The following PRSS50 variants were observed in gnomAD, a reference collection of about 807,000 sequenced individuals.
The protein encoded by PRSS50 is serine protease 50, also known as probable threonine protease PRSS50.
Under a neutral mutation model 34.2 loss-of-function variants are expected in PRSS50, and 23 were observed. That is an observed-to-expected ratio of 0.67 (90% confidence interval 0.48 to 0.95). The LOEUF (loss-of-function observed/expected upper bound fraction) is 0.95. Among genes scored for constraint, PRSS50 ranks in the 40% least tolerant of loss-of-function variants. The pLI is 0.00. For missense variants in PRSS50, 484 were observed against 513.4 expected (o/e 0.94, Z 0.55); for synonymous variants, 224 against 211.2 (o/e 1.06, Z -0.53).
rs1244820045 is a variant in PRSS50 at position 46,712,278 on chromosome 3, G to C, written c.1126C>G (p.Pro376Ala). 3.7e-6 allele frequency: 6 copies of C among 1,611,688 alleles called. No individual in the cohort carries two copies. Among genetic ancestry groups the C allele is most frequent in the Non-Finnish European group, 5.1e-6 (6 of 1,179,114 alleles). Residue 376 changes from proline (P) to alanine (A), a missense_variant, in exon 6 of 6, where the codon CCA becomes GCA. By Grantham distance (27) the Pro-to-Ala change is conservative (BLOSUM62 -1). Transcript: ENST00000315170. ...APSRTLLLAL[P>A]LPLSLLAAL ...GCAGCAAGGAGGCTGAGGGGCAGTG[G>C]GAGTGCCAGGAGCAGGGTCCTGGAT...
intron 4 of PRSS50, among the ~76,000 whole-genome samples, chr3:46,713,295 A>G (rs1044921667): frequency 1.1e-4 from 16 of 152,308 alleles, no homozygotes; most frequent in African/African-American, 3.4e-4. Context: ...TGCAGTGCCC[A>G]GGCCACTGGG....
chr3:46,714,551 C>T, intron 3 of PRSS50, 50 bp from the exon 4 acceptor site: 1 of 1,487,406 alleles, frequency 6.7e-7, no homozygotes, highest in South Asian at 1.3e-5. Context: ...CCCCCTGCCC[C>T]AGCCTCCAGC....
chr3:46,714,503 T>C lies in PRSS50; in HGVS notation c.471-2A>G. ...CTCACTGAGTAGATAACATCACGCCTAGGGGGGCCGTGAGGGGAGGCCATG... is the reference window on the plus strand; with the variant it reads ...CTCACTGAGTAGATAACATCACGCCCAGGGGGGCCGTGAGGGGAGGCCATG... On this transcript the variant is annotated splice_acceptor_variant, in intron 3 of 5. Coordinates refer to ENST00000315170, the MANE Select transcript of PRSS50 (RefSeq NM_013270.5). LOFTEE classifies it high-confidence loss of function. 6.3e-7 allele frequency: 1 copy of C among 1,575,660 alleles called. No individual in the cohort carries two copies. Among genetic ancestry groups the C allele is most frequent in the Non-Finnish European group, 8.6e-7 (1 of 1,161,778 alleles).
At position 46,714,577 on chromosome 3, in the gene PRSS50, C is replaced by G. The variant is rs1700657630; in HGVS notation, c.471-76G>C. On this transcript the variant is annotated intron_variant, in intron 3 of 5. Coordinates refer to ENST00000315170, the MANE Select transcript of PRSS50 (RefSeq NM_013270.5). Reference sequence around the variant, plus strand: ...AGCCTCCAGCCTGGGCCTTCCCCCACTCTGCTGCCCTCCCAGAAGATCCAG... The same window carrying G: ...AGCCTCCAGCCTGGGCCTTCCCCCAGTCTGCTGCCCTCCCAGAAGATCCAG... 3.5e-6 allele frequency: 5 copies of G among 1,446,280 alleles called. No individual in the cohort carries two copies. The South Asian group carries it at 7.0e-5, about 20-fold the overall frequency. 89.6% of individuals were successfully genotyped at this position (1,446,280 alleles called of 1,614,324 possible).
Position 46,717,379 on chromosome 3 carries a change from C to T in PRSS50, c.307+58G>A. The T allele has an allele frequency of 2.5e-6, 4 of 1,589,352 alleles. No individual in the cohort carries two copies. Among genetic ancestry groups the T allele is most frequent in the Non-Finnish European group, 3.4e-6 (4 of 1,159,916 alleles). On this transcript the variant is annotated intron_variant, in intron 2 of 5. Coordinates refer to ENST00000315170, the MANE Select transcript of PRSS50 (RefSeq NM_013270.5). This position sits in a 1 kb window ranked among gnomAD's most constrained non-coding sequence, Gnocchi z 4.5. ...CTGCTCCCCTAGCCCCAGCCAAGGT[C>T]CTTAAGACTCCTCTGTCACCCTCCT...
rs763132406 is a variant in PRSS50, at chr3:46,717,037, G to A, written c.307+400C>T. Among the ~76,000 whole-genome samples, 3 of 152,218 alleles carry A rather than the reference G, an allele frequency of 2.0e-5. No individual in the cohort carries two copies. The highest frequency in any genetic ancestry group is 4.4e-5 in the Non-Finnish European group (3 of 68,040). On this transcript the variant is annotated intron_variant, in intron 2 of 5. Transcript: ENST00000315170. The surrounding 1 kb of genome is among the most constrained non-coding windows in gnomAD (Gnocchi z 4.5). ...ACCACAGGAAGGCTCACACAGCCTG[G>A]CCCTGAAAGCTGTGCTGGAGATCCC...
Position 46,717,404 on chromosome 3 carries a change from T to C in PRSS50, c.307+33A>G, listed in dbSNP as rs1700697060. On this transcript the variant is annotated intron_variant, in intron 2 of 5. Coordinates refer to ENST00000315170, the MANE Select transcript of PRSS50 (RefSeq NM_013270.5). The surrounding 1 kb of genome is among the most constrained non-coding windows in gnomAD (Gnocchi z 4.5). ...CCTTAAGACTCCTCTGTCACCCTCC[T>C]TGCCCCACGGAGTCTACACCCCTGG... 2 of 1,604,610 alleles carry C rather than the reference T, an allele frequency of 1.2e-6. No individual in the cohort carries two copies. Among genetic ancestry groups the C allele is most frequent in the African/African-American group, 2.7e-5 (2 of 73,634 alleles).
At position 46,713,188 on chromosome 3, in the gene PRSS50, G is replaced by A; in HGVS notation, c.755-121C>T. On this transcript the variant is annotated intron_variant, in intron 4 of 5. Coordinates refer to ENST00000315170, the MANE Select transcript of PRSS50 (RefSeq NM_013270.5). ...TTTTCTGCTTTAGCCACACACCTCTGCCCTCGTTCTAGCCCATACCCATCT... is the reference window on the plus strand; with the variant it reads ...TTTTCTGCTTTAGCCACACACCTCTACCCTCGTTCTAGCCCATACCCATCT... The A allele has an allele frequency of 3.2e-6, 4 of 1,240,084 alleles. No homozygotes were observed. The South Asian group carries it at 5.4e-5, about 17-fold the overall frequency. 76.8% of individuals were successfully genotyped at this position (1,240,084 alleles called of 1,614,324 possible).
In PRSS50 at chr3:46,717,664, G is replaced by A; in HGVS notation, c.107-27C>T. ...TGCGGAGGACGTCGAGCGGATTAGA[G>A]GTGGAAGGCGAGGGCCGCGTCAGGC... On this transcript the variant is annotated intron_variant, in intron 1 of 5. Coordinates refer to ENST00000315170, the MANE Select transcript of PRSS50 (RefSeq NM_013270.5). This position sits in a 1 kb window ranked among gnomAD's most constrained non-coding sequence, Gnocchi z 4.5. 1 of 1,608,034 alleles carries A rather than the reference G, an allele frequency of 6.2e-7. No individual in the cohort carries two copies. Among genetic ancestry groups the A allele is most frequent in the East Asian group, 2.2e-5 (1 of 44,588 alleles).
chr3:46,717,845 C>T lies in PRSS50; in HGVS notation c.-21G>A. 2.0e-6 allele frequency: 3 copies of T among 1,476,832 alleles called. No individual in the cohort carries two copies. Among genetic ancestry groups the T allele is most frequent in the Non-Finnish European group, 2.7e-6 (3 of 1,116,342 alleles). The allele number at this position is 1,476,832 out of a possible 1,614,324, so 91.5% of individuals were successfully genotyped here. On this transcript the variant is annotated 5_prime_UTR_variant, in exon 1 of 6. Transcript: ENST00000315170. The surrounding 1 kb of genome is among the most constrained non-coding windows in gnomAD (Gnocchi z 4.5). ...CCCATCCCGGGGTGGCAGCCGACTG[C>T]GTCTCTCCGGAAGGCGCTCCCAGTG...
rs1700691764 is a variant in PRSS50, at chr3:46,716,923, A to G, written c.307+514T>C. Among the ~76,000 whole-genome samples, 1 of 152,186 alleles carries G rather than the reference A, an allele frequency of 6.6e-6. No individual in the cohort carries two copies. The highest frequency in any genetic ancestry group is 1.5e-5 in the Non-Finnish European group (1 of 68,026). ...TGACTTTCTGTGGCAGTTAAATGCT[A>G]TGTGCTGAGTCCCAGTCTTATGTGG... On this transcript the variant is annotated intron_variant, in intron 2 of 5. Transcript: ENST00000315170. This position sits in a 1 kb window ranked among gnomAD's most constrained non-coding sequence, Gnocchi z 4.4.
At position 46,715,550 on chromosome 3, in the gene PRSS50, G is replaced by A. The variant is rs145644141; in HGVS notation, c.455C>T (p.Ala152Val). Reference protein sequence around the residue: ...IIASQWVLTVAHCLIWRDVIY... With the variant: ...IIASQWVLTVVHCLIWRDVIY... Reference sequence around the variant, plus strand: ...CTTGACTCACCAGATCAGGCAGTGGGCCACAGTCAGCACCCACTGGGAGGC... The same window carrying A: ...CTTGACTCACCAGATCAGGCAGTGGACCACAGTCAGCACCCACTGGGAGGC... Residue 152 changes from alanine (A) to valine (V), a missense_variant, in exon 3 of 6, where the codon GCC becomes GTC. Ala to Val is a moderately conservative substitution (Grantham distance 64). Transcript: ENST00000315170. This position sits in a 1 kb window ranked among gnomAD's most constrained non-coding sequence, Gnocchi z 5.2. The A allele has an allele frequency of 7.3e-5, 117 of 1,612,764 alleles. 3 individuals are homozygous for A. Among genetic ancestry groups the A allele is most frequent in the East Asian group, 4.9e-4 (22 of 44,858 alleles).
In PRSS50 at chr3:46,717,546, A is replaced by G. The variant is rs765605069; in HGVS notation, c.198T>C (p.Pro66=). The G allele has an allele frequency of 6.8e-6, 11 of 1,613,738 alleles. No individual in the cohort carries two copies. The highest frequency in any genetic ancestry group is 9.3e-6 in the Non-Finnish European group (11 of 1,180,008). The part of the protein sequence containing the change: ...SVQCVPKATC[P]SSRPRLLWQT... ...GCCAGAGAAGGCGAGGCCGGCTGGA[A>G]GGACAGGTGGCCTTGGGGACACACT... The change falls in exon 2 of 6, where the codon CCT becomes CCC. Residue 66 remains proline, a synonymous_variant. Coordinates refer to ENST00000315170, the MANE Select transcript of PRSS50 (RefSeq NM_013270.5). This position sits in a 1 kb window ranked among gnomAD's most constrained non-coding sequence, Gnocchi z 4.5.
chr3:46,715,471 G>T lies in PRSS50; in HGVS notation c.470+64C>A. 1 of 1,562,292 alleles carries T rather than the reference G, an allele frequency of 6.4e-7. No individual in the cohort carries two copies. The highest frequency in any genetic ancestry group is 1.2e-5 in the South Asian group (1 of 84,872). On this transcript the variant is annotated intron_variant, in intron 3 of 5. Coordinates refer to ENST00000315170, the MANE Select transcript of PRSS50 (RefSeq NM_013270.5). This position sits in a 1 kb window ranked among gnomAD's most constrained non-coding sequence, Gnocchi z 5.2. ...GGGCCCAGAACAGCTGGCAGGGAGG[G>T]GATGACTGGGCCCACAGCAGCTCCA...
Position 46,714,319 on chromosome 3 carries a change from T to C in PRSS50, c.653A>G (p.Tyr218Cys). ...GCAGATGGGCCGCACGTAATTGCTG[T>C]ACTTGAGTTCCTGCTTGAGCTTGAG... ...GLLKLKQELKYSNYVRPICLP... is the reference protein window; with the variant it reads ...GLLKLKQELKCSNYVRPICLP... The change falls in exon 4 of 6, where the codon TAC (tyrosine) becomes TGC (cysteine). Residue 218 changes from tyrosine (Y) to cysteine (C), a missense_variant. Coordinates refer to ENST00000315170, the MANE Select transcript of PRSS50 (RefSeq NM_013270.5). 6.2e-7 allele frequency: 1 copy of C among 1,614,162 alleles called. No homozygotes were observed. Among genetic ancestry groups the C allele is most frequent in the African/African-American group, 1.3e-5 (1 of 75,036 alleles).
At chr3:46,712,556 C>A in intron 5 of PRSS50, 74 bp from the exon 6 acceptor site, 2 of 1,401,694 alleles carry the variant, frequency 1.4e-6, no homozygotes, top group South Asian at 1.2e-5. Context: ...CCAGGACAGG[C>A]GGGATGTCCT....
At chr3:46,713,989 G>T (rs1438844399) in intron 4 of PRSS50, among the ~76,000 whole-genome samples, 2 of 152,212 alleles carry the variant, frequency 1.3e-5, no homozygotes, top group East Asian at 3.9e-4. Context: ...CCTGACTCAG[G>T]ATTCAAAGGC....
intron 3 of PRSS50, 28 bp from the exon 4 acceptor site, chr3:46,714,529 A>T (rs752655989): frequency 6.5e-7 from 1 of 1,533,326 alleles, no homozygotes; most frequent in South Asian, 1.2e-5. Flanking sequence ...GGAGGCCATG[A>T]TCAGCTCCAG....
chr3:46,714,125 T>A (rs928812146), intron 4 of PRSS50, 93 bp downstream of exon 4: 3 of 1,470,570 alleles, frequency 2.0e-6, no homozygotes, highest in Non-Finnish European at 2.7e-6. Flanking sequence ...CTGGGGAAGG[T>A]GCCTCAGAAA....
Sources: allele counts gnomAD v4.1 joint callset (sites outside exome capture counted in the v4.1 genomes callset), GRCh38; gene constraint gnomAD v4.1.1; non-coding constraint Gnocchi (gnomAD v3.1); transcripts MANE v1.5; gene names NCBI Gene and HGNC (gene_info 2026-07-23, HGNC 2026-07-21).